PTPRD: variants seen among roughly 807,000 people sequenced by gnomAD.
PTPRD encodes receptor-type tyrosine-protein phosphatase delta.
In PTPRD, 34 loss-of-function variants were observed where a neutral mutation model predicts 214.5. That is an observed-to-expected ratio of 0.16 (90% CI 0.12 to 0.21). The LOEUF is 0.21. Ranked by LOEUF, PTPRD falls within the 10% of genes least tolerant of loss-of-function variation. The probability of loss-of-function intolerance (pLI) is 1.00; values close to 1 mark genes in which losing one functional copy is unlikely to be tolerated. For synonymous variants in PTPRD, 1,128 were observed against 845.7 expected, an observed-to-expected ratio of 1.33 and a Z score of -5.79; for missense variants, 2,545 against 2,398.7, an observed-to-expected ratio of 1.06 and a Z score of -1.27.
chr9:8,454,592 C>G, intron 33 of PTPRD: 2 of 1,612,994 alleles, frequency 1.2e-6, no homozygotes, highest in Non-Finnish European at 1.7e-6. Flanking sequence ...GTCGGGTTTA[C>G]TGCTCCATTT....
At chr9:9,895,937 A>G (rs2074843249) in intron 5 of PTPRD, among the ~76,000 whole-genome samples, 1 of 152,060 alleles carries the variant, frequency 6.6e-6, no homozygotes, top group Admixed American at 6.6e-5. Context: ...TTGAGGTTAT[A>G]TGGCACGTAG....
rs560547520 is a variant in PTPRD, at chr9:9,457,321, A to T, written c.-236-59839T>A. On this transcript the variant is annotated intron_variant, in intron 8 of 45. Transcript: ENST00000381196. ...CCTTTATGATAATCGGTCTCTCTAA[A>T]CTCAGTTCTAAGATCCAAAACCAGA... is the stretch of plus-strand genomic sequence containing the variant. Among the ~76,000 whole-genome samples, 40 of 152,062 alleles carry T rather than the reference A, an allele frequency of 2.6e-4. No individual in the cohort carries two copies. The South Asian group carries it at 8.1e-3, about 31-fold the overall frequency.
In PTPRD at chr9:9,887,802, T is replaced by A. The variant is rs150760036; in HGVS notation, c.-368+50705A>T. On this transcript the variant is annotated intron_variant, in intron 5 of 45. Coordinates refer to ENST00000381196, the MANE Select transcript of PTPRD (RefSeq NM_002839.4). ...GAAAATGTGGAGGGGGCAATATTTT[T>A]AAAATACTCTTTCGTACACTGATTC... 4.3e-3 allele frequency among the ~76,000 whole-genome samples: 658 copies of A among 152,234 alleles called. 8 individuals carry two copies. Among genetic ancestry groups the A allele is most frequent in the African/African-American group, 0.015 (609 of 41,556 alleles).
At chr9:8,357,431 A>G (rs971070827) in intron 39 of PTPRD, among the ~76,000 whole-genome samples, 1 of 152,212 alleles carries the variant, frequency 6.6e-6, no homozygotes, top group Non-Finnish European at 1.5e-5. Flanking sequence ...GGAGACCCCA[A>G]GCTGCCTTCC....
At chr9:9,749,667 A>AT (rs2098496777) in intron 6 of PTPRD, among the ~76,000 whole-genome samples, 1 of 152,108 alleles carries the variant, frequency 6.6e-6, no homozygotes, top group African/African-American at 2.4e-5. Flanking sequence ...ATAATAAATC[A>AT]TTTTTTGTGT....
At chr9:9,833,457 T>TCACAGGAC (rs2055639300) in intron 5 of PTPRD, among the ~76,000 whole-genome samples, 2 of 151,836 alleles carry the variant, frequency 1.3e-5, no homozygotes, top group East Asian at 1.9e-4. Flanking sequence ...CAGGGCGAGA[T>TCACAGGAC]CACAGGACCA....
chr9:8,458,267 G>T (rs1004456823), intron 33 of PTPRD, among the ~76,000 whole-genome samples: 2 of 152,100 alleles, frequency 1.3e-5, no homozygotes, highest in African/African-American at 4.8e-5. Context: ...ACTTGCAGAT[G>T]AAGGAAGAAA....
chr9:9,935,123 G>C (rs1333196145), intron 5 of PTPRD, among the ~76,000 whole-genome samples: 2 of 152,050 alleles, frequency 1.3e-5, no homozygotes, highest in African/African-American at 4.8e-5. Flanking sequence ...ATATCATACT[G>C]AATGGGCAAA....
At chr9:8,414,913 G>T (rs1482840056) in intron 35 of PTPRD, among the ~76,000 whole-genome samples, 31 of 120,480 alleles carry the variant, frequency 2.6e-4, no homozygotes, top group Middle Eastern at 3.9e-3. Flanking sequence ...GGGAGGGAGG[G>T]GGAGAGAGAG....
intron 8 of PTPRD, among the ~76,000 whole-genome samples, chr9:9,470,569 G>T (rs562976507): frequency 6.6e-6 from 1 of 152,106 alleles, no homozygotes; most frequent in Non-Finnish European, 1.5e-5. Flanking sequence ...TAGTAAAAGG[G>T]GGAATAAACA....
chr9:9,874,743 G>A (rs923440553), intron 5 of PTPRD, among the ~76,000 whole-genome samples: 7 of 152,066 alleles, frequency 4.6e-5, no homozygotes, highest in African/African-American at 1.2e-4. Context: ...CCTAAATCAC[G>A]TGAATTAATG....
chr9:8,369,106 C>T (rs1345805141), intron 39 of PTPRD, among the ~76,000 whole-genome samples: 4 of 152,042 alleles, frequency 2.6e-5, no homozygotes, highest in Admixed American at 2.6e-4. Context: ...CTATCACATG[C>T]TTTGGCAATA....
intron 2 of PTPRD, among the ~76,000 whole-genome samples, chr9:10,560,179 A>C (rs2131477669): frequency 6.6e-6 from 1 of 152,256 alleles, no homozygotes; most frequent in African/African-American, 2.4e-5. Flanking sequence ...CAATGATAGA[A>C]TGGATTAAGA....
intron 9 of PTPRD, among the ~76,000 whole-genome samples, chr9:9,243,438 C>G (rs894567891): frequency 3.3e-5 from 5 of 152,056 alleles, no homozygotes; most frequent in African/African-American, 1.2e-4. Flanking sequence ...AAAGCTTATC[C>G]ACCATAATCA....
intron 9 of PTPRD, among the ~76,000 whole-genome samples, chr9:9,330,920 A>G (rs1303937961): frequency 6.8e-6 from 1 of 147,360 alleles, no homozygotes; most frequent in South Asian, 2.1e-4. Flanking sequence ...TTTTTTTTTG[A>G]AATGATATCT....
intron 2 of PTPRD, among the ~76,000 whole-genome samples, chr9:10,501,839 A>G (rs2043826936): frequency 6.6e-6 from 1 of 151,990 alleles, no homozygotes; most frequent in Non-Finnish European, 1.5e-5. Flanking sequence ...GTATAGACGA[A>G]TGCTTCTCAA....
At chr9:9,913,697 A>G (rs905161961) in intron 5 of PTPRD, among the ~76,000 whole-genome samples, 4 of 152,158 alleles carry the variant, frequency 2.6e-5, no homozygotes, top group East Asian at 1.9e-4. Context: ...CCCATTGCCT[A>G]TGTAAACATC....
intron 10 of PTPRD, among the ~76,000 whole-genome samples, chr9:9,030,636 G>A (rs1336976713): frequency 2.0e-5 from 3 of 151,668 alleles, no homozygotes; most frequent in South Asian, 2.1e-4. Flanking sequence ...CAAGAGTCAC[G>A]GTTCTCCCAA....
At chr9:9,814,000 C>T (rs994898169) in intron 5 of PTPRD, among the ~76,000 whole-genome samples, 2 of 152,018 alleles carry the variant, frequency 1.3e-5, no homozygotes, top group Admixed American at 1.3e-4. Context: ...TCAACATATG[C>T]AAGTCAATAA....
Sources: allele counts gnomAD v4.1 joint callset (sites outside exome capture counted in the v4.1 genomes callset), GRCh38; gene constraint gnomAD v4.1.1; transcripts MANE v1.5; gene names NCBI Gene and HGNC (gene_info 2026-07-23, HGNC 2026-07-21).